The following TMIGD3 variants were observed in gnomAD, a reference collection of about 807,000 sequenced individuals.
TMIGD3 encodes the protein transmembrane and immunoglobulin domain containing 3, also known as AD026 protein (AD026).
In TMIGD3, 21 loss-of-function variants were observed where a neutral mutation model predicts 28.1. That is an observed-to-expected ratio of 0.75 (90% CI 0.53 to 1.08). The LOEUF (loss-of-function observed/expected upper bound fraction) is 1.08. Among genes scored for constraint, TMIGD3 ranks in the 50% least tolerant of loss-of-function variants. The pLI is 0.00. For missense variants in TMIGD3, 416 were observed against 435.6 expected (o/e 0.96, Z 0.40); for synonymous variants, 151 against 162.1 (o/e 0.93, Z 0.52).
chr1:111,487,064 T>C (rs1243664685), intron 3 of TMIGD3, among the ~76,000 whole-genome samples: 2 of 152,202 alleles, frequency 1.3e-5, no homozygotes, highest in Non-Finnish European at 2.9e-5. Flanking sequence ...AACTGCTCAT[T>C]TCGTGATGTA....
intron 1 of TMIGD3, among the ~76,000 whole-genome samples, chr1:111,553,933 T>C (rs1189167233): frequency 6.6e-6 from 1 of 152,222 alleles, no homozygotes; most frequent in African/African-American, 2.4e-5. Context: ...TTGTGTTATT[T>C]TCTAGTGGTT....
At chr1:111,510,479 A>G (rs1655652995) in intron 1 of TMIGD3, among the ~76,000 whole-genome samples, 1 of 152,150 alleles carries the variant, frequency 6.6e-6, no homozygotes, top group South Asian at 2.1e-4. Context: ...CGTTTTTCTT[A>G]ATAAACTAGA....
At chr1:111,543,981 T>G (rs942235903) in intron 1 of TMIGD3, among the ~76,000 whole-genome samples, 3 of 152,170 alleles carry the variant, frequency 2.0e-5, no homozygotes, top group South Asian at 4.1e-4. Context: ...GTTTCTAAAT[T>G]TTATTTCTAA....
intron 1 of TMIGD3, chr1:111,563,799 A>AC (rs1657840109): frequency 2.0e-6 from 3 of 1,490,560 alleles, no homozygotes; most frequent in South Asian, 1.1e-5. Context: ...GCAGACTCAG[A>AC]CCCCAACCTC....
chr1:111,505,520 G>A (rs1458502126), upstream of TMIGD3, among the ~76,000 whole-genome samples: 1 of 152,224 alleles, frequency 6.6e-6, no homozygotes, highest in Non-Finnish European at 1.5e-5. Context: ...GCTGGGTGGG[G>A]TGATTTGAGA....
chr1:111,553,029 C>T (rs183329448), intron 1 of TMIGD3, among the ~76,000 whole-genome samples: 1 of 152,306 alleles, frequency 6.6e-6, no homozygotes, highest in Non-Finnish European at 1.5e-5. Flanking sequence ...GTGGAACTTA[C>T]GTGAAATGTC....
At chr1:111,485,023 C>A (rs979021988) in intron 5 of TMIGD3, among the ~76,000 whole-genome samples, 2 of 152,136 alleles carry the variant, frequency 1.3e-5, no homozygotes. Flanking sequence ...TCTGATGCTG[C>A]CCTAAAGGGA....
intron 1 of TMIGD3, among the ~76,000 whole-genome samples, chr1:111,502,426 G>A: frequency 2.2e-5 from 3 of 135,902 alleles, no homozygotes; most frequent in African/African-American, 8.1e-5. Flanking sequence ...ATATATATAG[G>A]ATACATATAT....
chr1:111,538,335 C>T (rs1280129814), intron 1 of TMIGD3, among the ~76,000 whole-genome samples: 1 of 152,350 alleles, frequency 6.6e-6, no homozygotes, highest in East Asian at 1.9e-4. Flanking sequence ...GTTTTTCACT[C>T]ACTCCCCTCC....
intron 1 of TMIGD3, chr1:111,499,485 G>T: frequency 1.0e-6 from 1 of 993,988 alleles, no homozygotes; most frequent in Non-Finnish European, 1.2e-6. Context: ...AGCAGTTTAA[G>T]TCCCCCTTAA....
upstream of TMIGD3, chr1:111,505,037 A>C (rs1169200352): frequency 1.0e-6 from 1 of 984,428 alleles, no homozygotes; most frequent in Non-Finnish European, 1.2e-6. Flanking sequence ...TGTGTCCCTC[A>C]TAAATGTTTC....
chr1:111,499,435 A>G (rs1331128695), intron 1 of TMIGD3: 1 of 991,838 alleles, frequency 1.0e-6, no homozygotes, highest in Admixed American at 5.6e-5. Flanking sequence ...CCAGTTAGCT[A>G]TTAGCTTTTA....
At chr1:111,484,882 A>ATT (rs1482092441) in intron 5 of TMIGD3, among the ~76,000 whole-genome samples, 1 of 152,234 alleles carries the variant, frequency 6.6e-6, no homozygotes, top group Admixed American at 6.5e-5. Context: ...CAAAACTACT[A>ATT]TTAGCCAAAC....
exon 1 of TMIGD3, chr1:111,563,945 C>A (rs771271425): frequency 6.2e-7 from 1 of 1,613,528 alleles, no homozygotes; most frequent in Non-Finnish European, 8.5e-7. Context: ...TGCTGGAGAC[C>A]CTTCCATTGG....
At chr1:111,549,892 A>T (rs1157906016) in intron 1 of TMIGD3, among the ~76,000 whole-genome samples, 1 of 152,078 alleles carries the variant, frequency 6.6e-6, no homozygotes, top group Non-Finnish European at 1.5e-5. Flanking sequence ...GCCTCAAGTA[A>T]TCCTCCTGTC....
Position 111,510,265 on chromosome 1 carries a change from G to A in TMIGD3, c.108-19503C>T, listed in dbSNP as rs143609649. Among the ~76,000 whole-genome samples the A allele has an allele frequency of 1.7e-3, 261 of 152,092 alleles. 2 individuals are homozygous for A. Among genetic ancestry groups the A allele is most frequent in the African/African-American group, 5.7e-3 (237 of 41,470 alleles). ...GATCAGACAACAGCACTGCAAAACC[G>A]TTTTACTTTAGTTCCCTGCTGAAAT... On this transcript the variant is annotated intron_variant, in intron 1 of 5. Transcript: ENST00000369717.
rs187872061 is a variant in TMIGD3 at position 111,553,322 on chromosome 1, T to C, written c.107+10524A>G. ...TCAGCTCTGGCAAAAACTCATGACA[T>C]ATACAGCATTGATTCTGCATCACCT... On this transcript the variant is annotated intron_variant, in intron 1 of 5. Coordinates refer to the TMIGD3 transcript ENST00000369717. Among the ~76,000 whole-genome samples the C allele has an allele frequency of 2.0e-3, 300 of 152,362 alleles. 2 individuals are homozygous for C. Among genetic ancestry groups the C allele is most frequent in the African/African-American group, 7.1e-3 (294 of 41,576 alleles).
chr1:111,503,064 G>A lies in TMIGD3; in HGVS notation c.291C>T (p.Ser97=), dbSNP rs146743726. 2.5e-6 allele frequency: 4 copies of A among 1,614,222 alleles called. No homozygotes were observed. The highest frequency in any genetic ancestry group is 8.5e-7 in the Non-Finnish European group (1 of 1,180,052). ...CAGCGATGGCCAGCAAGGACATGATGGAGGCGTGGGTAAAGATAAGCAGTA... is the reference window on the plus strand; with the variant it reads ...CAGCGATGGCCAGCAAGGACATGATAGAGGCGTGGGTAAAGATAAGCAGTA... The part of the protein sequence containing the change: ...TCLLLIFTHA[S]IMSLLAIAVD... The change falls in exon 1 of 6, where the codon TCC becomes TCT. Residue 97 remains serine, a synonymous_variant. Transcript: ENST00000369716.
At chr1:111,503,879 A>G (rs1264973333), upstream of TMIGD3, 2 of 992,914 alleles carry the variant, frequency 2.0e-6, no homozygotes, top group Non-Finnish European at 2.4e-6. Context: ...GAGTTCATTC[A>G]TTCAGGGACC....
Sources: allele counts gnomAD v4.1 joint callset (sites outside exome capture counted in the v4.1 genomes callset), GRCh38; gene constraint gnomAD v4.1.1; transcripts MANE v1.5; gene names NCBI Gene and HGNC (gene_info 2026-07-23, HGNC 2026-07-21).